ADCY2: variants seen among roughly 807,000 people sequenced by gnomAD.
ADCY2 encodes the protein adenylate cyclase type 2.
A neutral mutation model predicts 125.2 loss-of-function variants in ADCY2; 31 were observed. The observed-to-expected ratio is 0.25, with a 90% CI of 0.19 to 0.33. ADCY2 has a LOEUF of 0.33. Ranked by LOEUF, ADCY2 falls within the 10% of genes least tolerant of loss-of-function variation. ADCY2 has a pLI of 1.00. For missense variants in ADCY2, 904 were observed against 1,418.2 expected, an observed-to-expected ratio of 0.64 and a Z score of 5.82; for synonymous variants, 512 against 548.4, an observed-to-expected ratio of 0.93 and a Z score of 0.93.
At chr5:7,723,760 A>C (rs1252749828) in intron 12 of ADCY2, among the ~76,000 whole-genome samples, 1 of 151,796 alleles carries the variant, frequency 6.6e-6, no homozygotes, top group Non-Finnish European at 1.5e-5. Flanking sequence ...ACCTCTACTA[A>C]AAATACAAAA....
rs954317260 is a variant in ADCY2, at chr5:7,636,302, C to T, written c.720+9986C>T. 6.6e-5 allele frequency among the ~76,000 whole-genome samples: 10 copies of T among 152,226 alleles called. No individual in the cohort carries two copies. The South Asian group carries it at 1.9e-3, about 28-fold the overall frequency. On this transcript the variant is annotated intron_variant, in intron 4 of 24. Transcript: ENST00000338316. ...GGTGCAGAATGAGAGAGAGAGGGAG[C>T]TGTGGGCCAAAGCCTTCGCTGGGGT...
At chr5:7,512,285 A>G (rs932984288) in intron 2 of ADCY2, among the ~76,000 whole-genome samples, 1 of 148,808 alleles carries the variant, frequency 6.7e-6, no homozygotes, top group Non-Finnish European at 1.5e-5. Context: ...TACTGTTATC[A>G]GATTTAACTT....
chr5:7,680,439 T>C (rs1030538986), intron 4 of ADCY2, among the ~76,000 whole-genome samples: 1 of 152,194 alleles, frequency 6.6e-6, no homozygotes, highest in Non-Finnish European at 1.5e-5. Flanking sequence ...CATTAAGGAA[T>C]GGCAAGGGCT....
intron 3 of ADCY2, among the ~76,000 whole-genome samples, chr5:7,564,252 A>C (rs928040338): frequency 6.6e-6 from 1 of 152,220 alleles, no homozygotes; most frequent in Non-Finnish European, 1.5e-5. Flanking sequence ...CATAGCCATG[A>C]AGCATGAGGA....
At chr5:7,676,957 C>A (rs1465401487) in intron 4 of ADCY2, among the ~76,000 whole-genome samples, 1 of 152,076 alleles carries the variant, frequency 6.6e-6, no homozygotes, top group Non-Finnish European at 1.5e-5. Flanking sequence ...ATGGAGAGGA[C>A]CTGAGCCCCC....
chr5:7,439,374 C>G (rs955740918), intron 2 of ADCY2, among the ~76,000 whole-genome samples: 7 of 152,090 alleles, frequency 4.6e-5, no homozygotes, highest in Non-Finnish European at 1.0e-4. Context: ...ATAAAACCGT[C>G]AGCTCTCATG....
chr5:7,717,951 T>A (rs946060452), intron 12 of ADCY2, among the ~76,000 whole-genome samples: 1 of 152,106 alleles, frequency 6.6e-6, no homozygotes, highest in East Asian at 1.9e-4. Flanking sequence ...TGAACTGTAG[T>A]GAAAACATCA....
At chr5:7,643,433 T>C (rs535762818) in intron 4 of ADCY2, among the ~76,000 whole-genome samples, 24 of 152,224 alleles carry the variant, frequency 1.6e-4, no homozygotes, top group African/African-American at 5.5e-4. Flanking sequence ...TTTGTTTTCA[T>C]CCCCTGAAAT....
At chr5:7,807,922 A>G (rs1744804483) in intron 22 of ADCY2, among the ~76,000 whole-genome samples, 1 of 152,128 alleles carries the variant, frequency 6.6e-6, no homozygotes, top group Non-Finnish European at 1.5e-5. Flanking sequence ...TGCACCCATG[A>G]CCTGTAGCAG....
At chr5:7,482,924 G>A (rs953981605) in intron 2 of ADCY2, among the ~76,000 whole-genome samples, 3 of 151,746 alleles carry the variant, frequency 2.0e-5, no homozygotes, top group Admixed American at 6.6e-5. Context: ...ACAGAAAGAC[G>A]AATACCACAT....
chr5:7,714,648 C>T (rs893711668), intron 11 of ADCY2, among the ~76,000 whole-genome samples: 1 of 152,228 alleles, frequency 6.6e-6, no homozygotes, highest in Non-Finnish European at 1.5e-5. Flanking sequence ...TTCCTAACTG[C>T]TCTTCAGGCT....
intron 3 of ADCY2, among the ~76,000 whole-genome samples, chr5:7,619,315 G>C (rs1052881070): frequency 4.6e-5 from 7 of 152,182 alleles, no homozygotes; most frequent in African/African-American, 1.7e-4. Flanking sequence ...GCTTGAAGCT[G>C]TGTTGAGACA....
chr5:7,663,537 G>A (rs1355161168), intron 4 of ADCY2, among the ~76,000 whole-genome samples: 1 of 152,242 alleles, frequency 6.6e-6, no homozygotes, highest in Non-Finnish European at 1.5e-5. Context: ...CTGCATTAGT[G>A]AGCTTGGGAA....
rs573963385 is a variant in ADCY2, at chr5:7,608,374, G to T, written c.571-17793G>T. Among the ~76,000 whole-genome samples, 3 of 152,220 alleles carry T rather than the reference G, an allele frequency of 2.0e-5. No homozygotes were observed. The South Asian group carries it at 6.2e-4, about 32-fold the overall frequency. On this transcript the variant is annotated intron_variant, in intron 3 of 24. Transcript: ENST00000338316. ...AGGCGGGCAGATTGCTTGAGCTCAA[G>T]AGATCAGCCTGGGAAACACAGGGAA...
At chr5:7,636,381 C>T (rs1241816327) in intron 4 of ADCY2, among the ~76,000 whole-genome samples, 2 of 152,240 alleles carry the variant, frequency 1.3e-5, no homozygotes, top group Non-Finnish European at 1.5e-5. Context: ...CAAGCAGGCA[C>T]ATGCCCTATG....
At chr5:7,644,501 C>G (rs1217240591) in intron 4 of ADCY2, among the ~76,000 whole-genome samples, 4 of 152,056 alleles carry the variant, frequency 2.6e-5, no homozygotes, top group African/African-American at 9.7e-5. Context: ...AGCTTTTAGC[C>G]CATCATACAT....
chr5:7,517,739 G>T (rs1407982974), intron 2 of ADCY2, among the ~76,000 whole-genome samples: 1 of 152,118 alleles, frequency 6.6e-6, no homozygotes. Context: ...GGTTATTGTG[G>T]ATAAGCCTTC....
At chr5:7,420,956 T>C (rs1740180461) in intron 2 of ADCY2, among the ~76,000 whole-genome samples, 1 of 152,176 alleles carries the variant, frequency 6.6e-6, no homozygotes, top group East Asian at 1.9e-4. Flanking sequence ...TTCTCTGTCC[T>C]GGTGCATCTA....
intron 3 of ADCY2, among the ~76,000 whole-genome samples, chr5:7,587,569 G>T (rs1002950305): frequency 8.5e-5 from 13 of 152,216 alleles, no homozygotes; most frequent in Non-Finnish European, 1.5e-5. Context: ...TAGGGAACAG[G>T]TGGGATTTAT....
Sources: allele counts gnomAD v4.1 joint callset (sites outside exome capture counted in the v4.1 genomes callset), GRCh38; gene constraint gnomAD v4.1.1; transcripts MANE v1.5; gene names NCBI Gene and HGNC (gene_info 2026-07-23, HGNC 2026-07-21).